Variants in PTPRD observed in about 807,000 individuals in gnomAD.
The protein encoded by PTPRD is protein tyrosine phosphatase receptor type D, also known as receptor-type tyrosine-protein phosphatase delta.
A neutral mutation model predicts 214.5 loss-of-function variants in PTPRD; 34 were observed. The observed-to-expected ratio is 0.16, with a 90% CI of 0.12 to 0.21. PTPRD has a LOEUF of 0.21. PTPRD is among the 10% of genes least tolerant of loss of function. The pLI is 1.00. For synonymous variants in PTPRD, 1,128 were observed against 845.7 expected, an observed-to-expected ratio of 1.33 and a Z score of -5.79; for missense variants, 2,545 against 2,398.7, an observed-to-expected ratio of 1.06 and a Z score of -1.27.
At chr9:9,402,268 C>T (rs192524341) in intron 8 of PTPRD, among the ~76,000 whole-genome samples, 2 of 152,106 alleles carry the variant, frequency 1.3e-5, no homozygotes, top group East Asian at 3.9e-4. Flanking sequence ...GGTTAATATG[C>T]AGTCAGTGAT....
intron 9 of PTPRD, among the ~76,000 whole-genome samples, chr9:9,255,634 C>G (rs940040264): frequency 3.9e-5 from 6 of 151,952 alleles, no homozygotes; most frequent in Non-Finnish European, 8.8e-5. Context: ...CAAAGAGATG[C>G]TAAGAATTAG....
intron 12 of PTPRD, chr9:8,713,950 A>C: frequency 1.6e-6 from 1 of 637,988 alleles, no homozygotes; most frequent in Non-Finnish European, 2.7e-6. Flanking sequence ...CATGGTGAGA[A>C]TTAGTGAGGC....
At chr9:10,297,022 A>G (rs2095695380) in intron 3 of PTPRD, among the ~76,000 whole-genome samples, 1 of 151,114 alleles carries the variant, frequency 6.6e-6, no homozygotes, top group Non-Finnish European at 1.5e-5. Flanking sequence ...TTTGATTGAT[A>G]AGCCCCTAAT....
intron 8 of PTPRD, among the ~76,000 whole-genome samples, chr9:9,455,788 T>G (rs1469231111): frequency 6.6e-6 from 1 of 151,618 alleles, no homozygotes; most frequent in African/African-American, 2.4e-5. Context: ...ATAAAAACAA[T>G]AAGCTACTGT....
chr9:8,919,317 T>TG lies in PTPRD; in HGVS notation c.-104+99379dup, dbSNP rs1338783177. 1.1e-4 allele frequency among the ~76,000 whole-genome samples: 16 copies of TG among 146,220 alleles called. 1 individual carries two copies. Among genetic ancestry groups the TG allele is most frequent in the Admixed American group, 9.1e-4 (13 of 14,234 alleles). ...CTGAGGCAGGAGAATCGCTTGAACCTGGGGGGTGGAGGTGCAGTGAGCCGA... is the reference window on the plus strand; with the variant it reads ...CTGAGGCAGGAGAATCGCTTGAACCTGGGGGGGTGGAGGTGCAGTGAGCCGA... On this transcript the variant is annotated intron_variant, in intron 11 of 45. Coordinates refer to ENST00000381196, the MANE Select transcript of PTPRD (RefSeq NM_002839.4).
At chr9:8,870,283 C>T (rs1381590713) in intron 11 of PTPRD, among the ~76,000 whole-genome samples, 1 of 151,862 alleles carries the variant, frequency 6.6e-6, no homozygotes, top group Non-Finnish European at 1.5e-5. Flanking sequence ...CTCAAAATAA[C>T]CTTTTGTAGA....
At chr9:10,590,749 A>T (rs999480290) in intron 2 of PTPRD, among the ~76,000 whole-genome samples, 7 of 151,994 alleles carry the variant, frequency 4.6e-5, no homozygotes, top group African/African-American at 1.7e-4. Context: ...TCCTCTATAC[A>T]GGCACTCCCC....
intron 11 of PTPRD, among the ~76,000 whole-genome samples, chr9:8,812,275 T>C (rs1566267614): frequency 6.6e-6 from 1 of 152,220 alleles, no homozygotes; most frequent in Non-Finnish European, 1.5e-5. Context: ...TATATATTTA[T>C]AGGTCTACAC....
chr9:9,855,010 T>C (rs1385585466), intron 5 of PTPRD, among the ~76,000 whole-genome samples: 1 of 151,870 alleles, frequency 6.6e-6, no homozygotes, highest in African/African-American at 2.4e-5. Flanking sequence ...TGAAGCAAAA[T>C]CAACAAATCC....
chr9:8,802,693 A>T (rs139588834), intron 11 of PTPRD, among the ~76,000 whole-genome samples: 1 of 152,254 alleles, frequency 6.6e-6, no homozygotes, highest in East Asian at 1.9e-4. Flanking sequence ...ACAACCCACA[A>T]CTAACATTTA....
chr9:8,524,287 A>G (rs559263193), intron 18 of PTPRD, among the ~76,000 whole-genome samples: 24 of 152,330 alleles, frequency 1.6e-4, no homozygotes, highest in African/African-American at 5.3e-4. Context: ...CATTGCAATC[A>G]AAAAACTAAA....
chr9:9,276,888 G>A (rs1029076055), intron 9 of PTPRD, among the ~76,000 whole-genome samples: 12 of 151,304 alleles, frequency 7.9e-5, no homozygotes, highest in Non-Finnish European at 1.5e-4. Context: ...TTGATGTGTC[G>A]TGCTCTGTGT....
chr9:8,937,630 A>T (rs184018233), intron 11 of PTPRD, among the ~76,000 whole-genome samples: 1 of 152,208 alleles, frequency 6.6e-6, no homozygotes, highest in African/African-American at 2.4e-5. Context: ...GTTTTTCTCT[A>T]ACCTTGACTT....
Position 10,325,004 on chromosome 9 carries a change from A to T in PTPRD, c.-545+15959T>A, listed in dbSNP as rs550237847. Among the ~76,000 whole-genome samples, 12 of 152,148 alleles carry T rather than the reference A, an allele frequency of 7.9e-5. 1 individual carries two copies. The South Asian group carries it at 2.5e-3, about 32-fold the overall frequency. ...GCCATAATACATTTTTTAAGTTGTT[A>T]TTGTTAAACAACATGATATTTCCCT... On this transcript the variant is annotated intron_variant, in intron 3 of 45. Coordinates refer to ENST00000381196, the MANE Select transcript of PTPRD (RefSeq NM_002839.4).
At chr9:8,763,114 A>C (rs934407070) in intron 11 of PTPRD, among the ~76,000 whole-genome samples, 1 of 152,108 alleles carries the variant, frequency 6.6e-6, no homozygotes, top group Non-Finnish European at 1.5e-5. Flanking sequence ...ATGCTCTGCC[A>C]AAGATGGTTT....
At chr9:9,565,147 A>C (rs1285599277) in intron 8 of PTPRD, among the ~76,000 whole-genome samples, 2 of 151,742 alleles carry the variant, frequency 1.3e-5, no homozygotes, top group African/African-American at 2.4e-5. Context: ...GGTTTTGTAA[A>C]GTGGAAAGGA....
intron 2 of PTPRD, among the ~76,000 whole-genome samples, chr9:10,600,817 G>T: frequency 6.6e-6 from 1 of 151,666 alleles, no homozygotes; most frequent in East Asian, 1.9e-4. Flanking sequence ...CTCATACAGA[G>T]TACTATATAT....
At chr9:10,112,959 G>C (rs1477653884) in intron 3 of PTPRD, among the ~76,000 whole-genome samples, 2 of 152,206 alleles carry the variant, frequency 1.3e-5, no homozygotes, top group Non-Finnish European at 2.9e-5. Context: ...GAAGGTGTGA[G>C]GGATGCTTGC....
intron 11 of PTPRD, among the ~76,000 whole-genome samples, chr9:9,001,520 T>C (rs1219339549): frequency 1.3e-5 from 2 of 151,996 alleles, no homozygotes; most frequent in Admixed American, 6.6e-5. Context: ...TCTAGATAAA[T>C]GGCACCACAG....
Sources: gnomAD v4.1 joint callset for allele counts (sites outside exome capture counted in the v4.1 genomes callset) on GRCh38, gnomAD v4.1.1 for gene constraint, MANE v1.5 for transcripts, NCBI Gene and HGNC (gene_info 2026-07-23, HGNC 2026-07-21) for gene names.